Variants in AFF3 observed in about 807,000 individuals in gnomAD.
The protein encoded by AFF3 is ALF transcription elongation factor 3, also known as AF4/FMR2 family member 3.
In AFF3, 32 loss-of-function variants were observed where a neutral mutation model predicts 129.7. That is an observed-to-expected ratio of 0.25 (90% CI 0.19 to 0.33). AFF3 has a LOEUF of 0.33. Among genes scored for constraint, AFF3 ranks in the 10% least tolerant of loss-of-function variants. The pLI is 1.00. For synonymous variants in AFF3, 644 were observed against 635.4 expected, an observed-to-expected ratio of 1.01 and a Z score of -0.20; for missense variants, 1,373 against 1,592.0, an observed-to-expected ratio of 0.86 and a Z score of 2.34.
chr2:99,760,600 T>TA (rs1682492601), intron 8 of AFF3, among the ~76,000 whole-genome samples: 1 of 152,206 alleles, frequency 6.6e-6, no homozygotes, highest in Non-Finnish European at 1.5e-5. Context: ...ACTGTAGCCA[T>TA]GGTCCTCACC....
intron 11 of AFF3, among the ~76,000 whole-genome samples, chr2:99,683,280 A>T (rs1674702627): frequency 6.6e-6 from 1 of 152,160 alleles, no homozygotes; most frequent in South Asian, 2.1e-4. Flanking sequence ...AAATGGAAAA[A>T]CGAGAGTGTT....
intron 8 of AFF3, among the ~76,000 whole-genome samples, chr2:99,810,127 A>G (rs921367892): frequency 6.6e-6 from 1 of 152,178 alleles, no homozygotes; most frequent in Non-Finnish European, 1.5e-5. Flanking sequence ...TGGACCAGTG[A>G]TTTTTACTCA....
intron 9 of AFF3, among the ~76,000 whole-genome samples, chr2:99,748,281 C>T (rs953697361): frequency 6.6e-6 from 1 of 152,208 alleles, no homozygotes; most frequent in Non-Finnish European, 1.5e-5. Context: ...TAGCTTCTGT[C>T]TCACCAGCCT....
At chr2:99,818,765 G>A (rs1236696346) in intron 8 of AFF3, among the ~76,000 whole-genome samples, 3 of 152,102 alleles carry the variant, frequency 2.0e-5, no homozygotes, top group Admixed American at 6.5e-5. Context: ...AATTCTTTGT[G>A]AATTCTCAAA....
intron 13 of AFF3, among the ~76,000 whole-genome samples, chr2:99,641,046 C>T (rs1219973492): frequency 4.6e-5 from 7 of 152,210 alleles, no homozygotes; most frequent in East Asian, 3.9e-4. Context: ...GCCTGCCACT[C>T]CCTGTCCACC....
chr2:99,586,402 C>A (rs1303041459), intron 16 of AFF3, among the ~76,000 whole-genome samples: 1 of 152,206 alleles, frequency 6.6e-6, no homozygotes, highest in African/African-American at 2.4e-5. Context: ...TGCTCTACAT[C>A]TTTTCCTAAC....
intron 10 of AFF3, among the ~76,000 whole-genome samples, chr2:99,740,716 C>T (rs1680651322): frequency 6.6e-6 from 1 of 150,612 alleles, no homozygotes; most frequent in Admixed American, 6.6e-5. Flanking sequence ...GGATATTAGC[C>T]CTTTGTCAGA....
intron 12 of AFF3, among the ~76,000 whole-genome samples, chr2:99,653,966 G>C (rs1397408309): frequency 7.2e-6 from 1 of 139,848 alleles, no homozygotes; most frequent in Non-Finnish European, 1.5e-5. Context: ...TGCAACCTCT[G>C]CCTCCCTGGT....
intron 10 of AFF3, among the ~76,000 whole-genome samples, chr2:99,739,862 G>A (rs1043502228): frequency 1.3e-5 from 2 of 151,568 alleles, no homozygotes; most frequent in African/African-American, 4.9e-5. Context: ...TGCACAATGT[G>A]CAGGTTAGTT....
chr2:100,105,391 A>G (rs927053880), intron 3 of AFF3, 113 bp downstream of exon 3: 3 of 1,286,706 alleles, frequency 2.3e-6, no homozygotes, highest in Admixed American at 2.5e-5. Flanking sequence ...GCGCGGAGGA[A>G]ACCTCTTCCA....
At chr2:100,130,479 C>T (rs191337115) in intron 1 of AFF3, among the ~76,000 whole-genome samples, 1 of 152,348 alleles carries the variant, frequency 6.6e-6, no homozygotes, top group East Asian at 1.9e-4. Flanking sequence ...ACAGATTTCC[C>T]TTTCTCTGAG....
At chr2:100,076,567 C>T (rs1322304723) in intron 4 of AFF3, among the ~76,000 whole-genome samples, 4 of 152,176 alleles carry the variant, frequency 2.6e-5, no homozygotes, top group Admixed American at 2.6e-4. Context: ...TTTCCCTTTT[C>T]CTCTGCACCA....
intron 11 of AFF3, among the ~76,000 whole-genome samples, chr2:99,716,649 A>G (rs1222112756): frequency 1.3e-5 from 2 of 151,978 alleles, no homozygotes; most frequent in East Asian, 1.9e-4. Flanking sequence ...TTGGGAGGCC[A>G]AGGTGGGCGG....
At chr2:99,731,408 T>C (rs1442595433) in intron 10 of AFF3, among the ~76,000 whole-genome samples, 1 of 152,208 alleles carries the variant, frequency 6.6e-6, no homozygotes, top group East Asian at 1.9e-4. Context: ...TGGGCATTTG[T>C]AACTTTAAAT....
intron 20 of AFF3, among the ~76,000 whole-genome samples, chr2:99,565,031 T>C (rs1675831669): frequency 6.6e-6 from 1 of 152,048 alleles, no homozygotes; most frequent in Non-Finnish European, 1.5e-5. Context: ...CATGTCCAGT[T>C]TTTAGACCAG....
At chr2:99,948,902 T>G (rs1351089622) in intron 7 of AFF3, among the ~76,000 whole-genome samples, 1 of 152,136 alleles carries the variant, frequency 6.6e-6, no homozygotes, top group Non-Finnish European at 1.5e-5. Flanking sequence ...CTCCAAAGTA[T>G]CCTCAATTTA....
At chr2:99,949,703 A>G (rs1277803455) in intron 7 of AFF3, among the ~76,000 whole-genome samples, 3 of 152,168 alleles carry the variant, frequency 2.0e-5, no homozygotes, top group Admixed American at 1.3e-4. Context: ...TGCTAATGTG[A>G]GCTCAGGCAG....
At chr2:99,960,230 T>C (rs936989475) in intron 7 of AFF3, among the ~76,000 whole-genome samples, 1 of 152,310 alleles carries the variant, frequency 6.6e-6, no homozygotes. Context: ...CCTTCTTTGA[T>C]GGGCACTAGT....
chr2:100,135,994 C>T (rs1692626062), intron 1 of AFF3, among the ~76,000 whole-genome samples: 1 of 152,164 alleles, frequency 6.6e-6, no homozygotes, highest in Admixed American at 6.5e-5. Context: ...TGAAGGATGG[C>T]TTCAAGGTCC....
Sources: allele counts gnomAD v4.1 joint callset (sites outside exome capture counted in the v4.1 genomes callset), GRCh38; gene constraint gnomAD v4.1.1; transcripts MANE v1.5; gene names NCBI Gene and HGNC (gene_info 2026-07-23, HGNC 2026-07-21).